ANGPT4: variants seen among roughly 807,000 people sequenced by gnomAD.
ANGPT4 encodes the protein angiopoietin 4.
Under a neutral mutation model 53.0 loss-of-function variants are expected in ANGPT4, and 50 were observed. That is an observed-to-expected ratio of 0.94 (90% confidence interval 0.75 to 1.20). The LOEUF is 1.20. ANGPT4 is among the 50% of genes most tolerant of loss of function. The probability of loss-of-function intolerance (pLI) is 0.00; values close to 1 mark genes in which losing one functional copy is unlikely to be tolerated. For synonymous variants in ANGPT4, 251 were observed against 259.7 expected (o/e 0.97, Z 0.32); for missense variants, 648 against 637.1 (o/e 1.02, Z -0.18).
chr20:872,854 T>A lies in ANGPT4; in HGVS notation c.*106A>T. ...GAGGGCTGGCTCAGGAAGCCCAGGG[T>A]GTCAGGGAAGGCGGTGGCACAGTGT... On this transcript the variant is annotated 3_prime_UTR_variant, in exon 9 of 9. Coordinates refer to ENST00000381922, the MANE Select transcript of ANGPT4 (RefSeq NM_015985.4). 7.0e-7 allele frequency: 1 copy of A among 1,425,712 alleles called. No homozygotes were observed. Among genetic ancestry groups the A allele is most frequent in the Non-Finnish European group, 9.6e-7 (1 of 1,041,902 alleles). The allele number at this position is 1,425,712 out of a possible 1,614,324, so 88.3% of individuals were successfully genotyped here. A position where few individuals can be genotyped will look rare whatever the true frequency, so the allele number is the denominator to read the frequency against.
Position 913,053 on chromosome 20 carries a change from G to A in ANGPT4, c.309+2853C>T, listed in dbSNP as rs368451072. On this transcript the variant is annotated intron_variant, in intron 1 of 8. Transcript: ENST00000381922. ...GCAGATGATGGCTTCTGGGATTCGCGACAGGAAGGATCTCCCCTGTGTCTG... is the reference window on the plus strand; with the variant it reads ...GCAGATGATGGCTTCTGGGATTCGCAACAGGAAGGATCTCCCCTGTGTCTG... Among the ~76,000 whole-genome samples the A allele has an allele frequency of 5.3e-5, 8 of 152,240 alleles. No individual in the cohort carries two copies. In the South Asian group the frequency reaches 6.2e-4, roughly 12 times the overall value.
intron 3 of ANGPT4, 118 bp from the exon 4 acceptor site, chr20:885,443 A>G: frequency 7.2e-7 from 1 of 1,385,510 alleles, no homozygotes; most frequent in Non-Finnish European, 9.5e-7. Context: ...GTGTGGTGGA[A>G]CGTCCTGTGC....
At chr20:889,754 T>C (rs1452354327) in intron 2 of ANGPT4, among the ~76,000 whole-genome samples, 2 of 152,142 alleles carry the variant, frequency 1.3e-5, no homozygotes, top group African/African-American at 4.8e-5. Flanking sequence ...AACTTGTGTC[T>C]ATTTGTTATT....
At chr20:889,239 G>C (rs1358890603) in intron 2 of ANGPT4, among the ~76,000 whole-genome samples, 1 of 143,844 alleles carries the variant, frequency 7.0e-6, no homozygotes, top group African/African-American at 2.6e-5. Context: ...TCTCCTTAGC[G>C]CTGTCACTGG....
Position 911,072 on chromosome 20 carries a change from C to G in ANGPT4, c.309+4834G>C, listed in dbSNP as rs1398092228. Among the ~76,000 whole-genome samples the G allele has an allele frequency of 6.6e-6, 1 of 152,108 alleles. No individual in the cohort carries two copies. Among genetic ancestry groups the G allele is most frequent in the East Asian group, 1.9e-4 (1 of 5,188 alleles). On this transcript the variant is annotated intron_variant, in intron 1 of 8. Transcript: ENST00000381922. This position sits in a 1 kb window ranked among gnomAD's most constrained non-coding sequence, Gnocchi z 4.9. ...TTGGATAACTGAAGGCTGAAAATGC[C>G]AAGAATTTGTGGGCAGCCTGGGAAG...
At position 870,569 on chromosome 20, in the gene ANGPT4, A is replaced by G. The variant is rs907976567; in HGVS notation, c.*2391T>C. The G allele has an allele frequency of 6.6e-6, 1 of 152,190 alleles. No homozygotes were observed. The highest frequency in any genetic ancestry group is 2.4e-5 in the African/African-American group (1 of 41,428). 9.4% of individuals were successfully genotyped at this position (152,190 alleles called of 1,614,324 possible). ...TTACATAAAGAACAGGTGTCTGAGG[A>G]TAACTCAAATCAGCTTCCTGCCCCC... On this transcript the variant is annotated 3_prime_UTR_variant, in exon 9 of 9. Coordinates refer to ENST00000381922, the MANE Select transcript of ANGPT4 (RefSeq NM_015985.4).
chr20:893,660 C>G (rs1568843025), intron 1 of ANGPT4, among the ~76,000 whole-genome samples: 1 of 152,156 alleles, frequency 6.6e-6, no homozygotes, highest in African/African-American at 2.4e-5. Flanking sequence ...CAATGAGCAT[C>G]TCAAGCCCAG....
In ANGPT4 at chr20:881,179, G is replaced by T. The variant is rs1383333606; in HGVS notation, c.943C>A (p.Pro315Thr). 2 of 1,586,204 alleles carry T rather than the reference G, an allele frequency of 1.3e-6. No homozygotes were observed. The highest frequency in any genetic ancestry group is 2.3e-5 in the South Asian group (2 of 86,406). ...CCAGGGAGCCCCCTAACCTTCCTGG[G>T]CTTCGTTGCATTGGACACCTGGATG... Reference protein sequence around the residue: ...YTIQVSNATKPRKVFCDLQSS... With the variant: ...YTIQVSNATKTRKVFCDLQSS... Residue 315 changes from proline to threonine, a missense_variant, in exon 5 of 9, where the codon CCC becomes ACC. By Grantham distance (38) the Pro-to-Thr change is conservative. Transcript: ENST00000381922.
intron 8 of ANGPT4, among the ~76,000 whole-genome samples, chr20:873,608 G>C (rs12625616): frequency 6.6e-6 from 1 of 151,642 alleles, no homozygotes; most frequent in Admixed American, 6.6e-5. Context: ...TCTGCCTTTC[G>C]TGTCTCTGGC....
At chr20:912,326 C>A (rs973415491) in intron 1 of ANGPT4, among the ~76,000 whole-genome samples, 6 of 152,192 alleles carry the variant, frequency 3.9e-5, no homozygotes, top group African/African-American at 1.4e-4. Context: ...TCATTCTCCT[C>A]CCAGCCTCCG....
chr20:901,959 T>C (rs957779669), intron 1 of ANGPT4, among the ~76,000 whole-genome samples: 1 of 152,198 alleles, frequency 6.6e-6, no homozygotes, highest in African/African-American at 2.4e-5. Context: ...CTACATCAGA[T>C]GCTGATCTGA....
At chr20:910,812 C>T (rs1445100840) in intron 1 of ANGPT4, among the ~76,000 whole-genome samples, 1 of 152,110 alleles carries the variant, frequency 6.6e-6, no homozygotes, top group Non-Finnish European at 1.5e-5. Context: ...GCTGCTGGTG[C>T]CTGCCCTGCA....
chr20:879,719 T>C, intron 6 of ANGPT4, 28 bp downstream of exon 6: 2 of 1,596,996 alleles, frequency 1.3e-6, no homozygotes, highest in South Asian at 2.2e-5. Context: ...CAGAGCAGAA[T>C]GGCCCCTCCC....
Position 879,820 on chromosome 20 carries a change from C to A in ANGPT4, c.980G>T (p.Gly327Val). The change falls in exon 6 of 9, where the codon GGC becomes GTC. Residue 327 changes from glycine (G) to valine (V), a missense_variant. Gly to Val is a moderately radical substitution (Grantham distance 109, BLOSUM62 -3). Transcript: ENST00000381922. Reference sequence around the variant, plus strand: ...ACGGCGCTGGATGAGGGTCCACCTGCCTCCACTGCTCTGCAGGTCACAGAA... The same window carrying A: ...ACGGCGCTGGATGAGGGTCCACCTGACTCCACTGCTCTGCAGGTCACAGAA... ...KVFCDLQSSG[G>V]RWTLIQRREN... is the part of the protein sequence containing the mutation. 1 of 1,613,552 alleles carries A rather than the reference C, an allele frequency of 6.2e-7. No individual in the cohort carries two copies. Among genetic ancestry groups the A allele is most frequent in the African/African-American group, 1.3e-5 (1 of 75,030 alleles).
intron 1 of ANGPT4, among the ~76,000 whole-genome samples, chr20:910,169 G>C (rs1035023221): frequency 1.4e-4 from 21 of 152,144 alleles, no homozygotes; most frequent in Admixed American, 3.3e-4. Context: ...GTAAGATCTT[G>C]GGCAAGTCAC....
chr20:889,814 T>C (rs1600053052), intron 2 of ANGPT4, among the ~76,000 whole-genome samples: 1 of 152,322 alleles, frequency 6.6e-6, no homozygotes, highest in East Asian at 1.9e-4. Flanking sequence ...CACTAGTTCC[T>C]TCCCTGCTCT....
intron 1 of ANGPT4, among the ~76,000 whole-genome samples, chr20:907,858 C>T (rs1313662572): frequency 6.6e-6 from 1 of 152,178 alleles, no homozygotes; most frequent in Non-Finnish European, 1.5e-5. Flanking sequence ...CCCCACGTGG[C>T]ACCAGGCCTT....
At position 907,159 on chromosome 20, in the gene ANGPT4, G is replaced by T. The variant is rs558578621; in HGVS notation, c.309+8747C>A. Among the ~76,000 whole-genome samples the T allele has an allele frequency of 5.3e-4, 80 of 152,302 alleles. 1 individual carries two copies. The highest frequency in any genetic ancestry group is 1.5e-3 in the African/African-American group (62 of 41,554). On this transcript the variant is annotated intron_variant, in intron 1 of 8. Transcript: ENST00000381922. ...CCTGTGTTCTGTGGATCTGGGCTAGGATTCTTGTCTGTCTGGTTCATGAGG... is the reference window on the plus strand; with the variant it reads ...CCTGTGTTCTGTGGATCTGGGCTAGTATTCTTGTCTGTCTGGTTCATGAGG...
chr20:896,044 G>A (rs566319561), intron 1 of ANGPT4, among the ~76,000 whole-genome samples: 79 of 152,260 alleles, frequency 5.2e-4, no homozygotes, highest in African/African-American at 1.7e-3. Flanking sequence ...TTTGCTGTAC[G>A]TGGGTCATAC....
Sources: allele counts gnomAD v4.1 joint callset (sites outside exome capture counted in the v4.1 genomes callset), GRCh38; gene constraint gnomAD v4.1.1; non-coding constraint Gnocchi (gnomAD v3.1); transcripts MANE v1.5; gene names NCBI Gene and HGNC (gene_info 2026-07-23, HGNC 2026-07-21).